ZNF804B: variants seen among roughly 807,000 people sequenced by gnomAD.
ZNF804B encodes zinc finger 804B.
Under a neutral mutation model 101.4 loss-of-function variants are expected in ZNF804B, and 80 were observed. The observed-to-expected ratio is 0.79, with a 90% CI of 0.66 to 0.95. The LOEUF (loss-of-function observed/expected upper bound fraction) is 0.95. Ranked by LOEUF, ZNF804B falls within the 40% of genes least tolerant of loss-of-function variation. The probability of loss-of-function intolerance (pLI) is 0.00; values close to 1 mark genes in which losing one functional copy is unlikely to be tolerated. For missense variants in ZNF804B, 1,673 were observed against 1,561.9 expected (o/e 1.07, Z -1.20); for synonymous variants, 622 against 558.8 (o/e 1.11, Z -1.59).
At chr7:89,030,032 C>T (rs1047646017) in intron 1 of ZNF804B, among the ~76,000 whole-genome samples, 1 of 152,074 alleles carries the variant, frequency 6.6e-6, no homozygotes, top group African/African-American at 2.4e-5. Flanking sequence ...TTAGTCATGA[C>T]TGTGTTATAA....
At chr7:89,214,336 T>A (rs1353921133) in intron 1 of ZNF804B, among the ~76,000 whole-genome samples, 2 of 152,180 alleles carry the variant, frequency 1.3e-5, no homozygotes, top group African/African-American at 4.8e-5. Context: ...CTAGGCAAAC[T>A]GTAAGAAGGG....
At chr7:89,047,562 A>G (rs546296307) in intron 1 of ZNF804B, among the ~76,000 whole-genome samples, 2 of 152,292 alleles carry the variant, frequency 1.3e-5, no homozygotes, top group East Asian at 3.9e-4. Flanking sequence ...CAAGGGTGGG[A>G]AGAATAAGAT....
intron 1 of ZNF804B, among the ~76,000 whole-genome samples, chr7:89,089,329 G>A (rs1283536362): frequency 6.6e-6 from 1 of 151,484 alleles, no homozygotes; most frequent in East Asian, 1.9e-4. Flanking sequence ...AATGTGCTGT[G>A]CTCAGATACA....
chr7:88,935,711 T>G (rs1288590900), intron 1 of ZNF804B, among the ~76,000 whole-genome samples: 1 of 151,974 alleles, frequency 6.6e-6, no homozygotes, highest in South Asian at 2.1e-4. Context: ...AAGGAGAAAA[T>G]TAAATATATG....
intron 2 of ZNF804B, among the ~76,000 whole-genome samples, chr7:89,233,116 C>T (rs71557039): frequency 0.12 from 18,558 of 151,844 alleles, 1,221 homozygotes; most frequent in Middle Eastern, 0.25. Context: ...TTAGTAGAGA[C>T]GGGGTTTCCC....
chr7:89,081,206 T>G (rs1789692908), intron 1 of ZNF804B, among the ~76,000 whole-genome samples: 1 of 151,848 alleles, frequency 6.6e-6, no homozygotes. Flanking sequence ...GCTAGAAATT[T>G]GAAACTTATT....
intron 1 of ZNF804B, among the ~76,000 whole-genome samples, chr7:88,768,891 A>T (rs1011675551): frequency 6.6e-6 from 1 of 152,208 alleles, no homozygotes; most frequent in Admixed American, 6.5e-5. Context: ...CTATTTTCGA[A>T]TTCTAGTTTT....
At chr7:88,955,194 A>G (rs1417429594) in intron 1 of ZNF804B, among the ~76,000 whole-genome samples, 1 of 151,582 alleles carries the variant, frequency 6.6e-6, no homozygotes. Flanking sequence ...CTGATGCAAT[A>G]TATTTTCCAT....
At chr7:89,102,015 T>G (rs1045098280) in intron 1 of ZNF804B, among the ~76,000 whole-genome samples, 2 of 151,910 alleles carry the variant, frequency 1.3e-5, no homozygotes, top group Non-Finnish European at 2.9e-5. Flanking sequence ...TCCAGCTCCA[T>G]TCATTTATAG....
chr7:89,002,413 G>C (rs1197700474), intron 1 of ZNF804B, among the ~76,000 whole-genome samples: 4 of 151,590 alleles, frequency 2.6e-5, no homozygotes, highest in African/African-American at 9.7e-5. Context: ...CATTTTTCTT[G>C]CTTTTCTTAT....
intron 1 of ZNF804B, among the ~76,000 whole-genome samples, chr7:88,856,042 G>A (rs1442978909): frequency 6.6e-6 from 1 of 152,146 alleles, no homozygotes; most frequent in African/African-American, 2.4e-5. Flanking sequence ...GTAGCATGAT[G>A]CCTCCAGCTT....
At chr7:89,147,256 A>G (rs910096058) in intron 1 of ZNF804B, among the ~76,000 whole-genome samples, 26 of 152,012 alleles carry the variant, frequency 1.7e-4, no homozygotes, top group African/African-American at 6.3e-4. Flanking sequence ...AGTATGTTTC[A>G]AAATGTTGAA....
At chr7:88,903,040 T>C (rs1226737038) in intron 1 of ZNF804B, among the ~76,000 whole-genome samples, 9 of 152,070 alleles carry the variant, frequency 5.9e-5, no homozygotes, top group Non-Finnish European at 1.3e-4. Context: ...ATGGATCCTG[T>C]CAAACAAGTA....
intron 2 of ZNF804B, among the ~76,000 whole-genome samples, chr7:89,255,563 G>A (rs974707686): frequency 6.6e-6 from 1 of 152,044 alleles, no homozygotes; most frequent in Non-Finnish European, 1.5e-5. Flanking sequence ...TCATCTATTT[G>A]AACAATAAAA....
chr7:89,033,483 G>T (rs1489574096), intron 1 of ZNF804B, among the ~76,000 whole-genome samples: 1 of 152,136 alleles, frequency 6.6e-6, no homozygotes, highest in Non-Finnish European at 1.5e-5. Flanking sequence ...ACTGAAAAGT[G>T]GGAGTGCTGG....
chr7:88,845,301 G>GCACACACACACACACA (rs372272018), intron 1 of ZNF804B, among the ~76,000 whole-genome samples: 54 of 150,032 alleles, frequency 3.6e-4, no homozygotes, highest in East Asian at 3.0e-3. Context: ...GCACGCGCGC[G>GCACACACACACACACA]CACACACACA....
chr7:88,931,188 T>C (rs996315098), intron 1 of ZNF804B, among the ~76,000 whole-genome samples: 4 of 151,894 alleles, frequency 2.6e-5, no homozygotes, highest in African/African-American at 9.7e-5. Context: ...CTTAAAACTA[T>C]TCATAAAATA....
chr7:89,284,989 A>C (rs1790159857), intron 2 of ZNF804B, among the ~76,000 whole-genome samples: 1 of 151,954 alleles, frequency 6.6e-6, no homozygotes, highest in Non-Finnish European at 1.5e-5. Flanking sequence ...ACTTGAGCCC[A>C]GGAGAGCAAG....
At chr7:88,989,163 A>T (rs748960632) in intron 1 of ZNF804B, among the ~76,000 whole-genome samples, 3,435 of 151,766 alleles carry the variant, frequency 0.023, 134 homozygotes, top group African/African-American at 0.078. Flanking sequence ...GCTAGGACTT[A>T]ATTTTTTGTA....
Sources: allele counts gnomAD v4.1 joint callset (sites outside exome capture counted in the v4.1 genomes callset), GRCh38; gene constraint gnomAD v4.1.1; transcripts MANE v1.5; gene names NCBI Gene and HGNC (gene_info 2026-07-23, HGNC 2026-07-21).